CPNE8: variants seen among roughly 807,000 people sequenced by gnomAD.
CPNE8 encodes the protein copine 8.
A neutral mutation model predicts 81.5 loss-of-function variants in CPNE8; 45 were observed. That is an observed-to-expected ratio of 0.55 (90% CI 0.44 to 0.71). The LOEUF is 0.71. CPNE8 is among the 30% of genes least tolerant of loss of function. The probability of loss-of-function intolerance (pLI) is 0.00; values close to 1 mark genes in which losing one functional copy is unlikely to be tolerated. For missense variants in CPNE8, 594 were observed against 672.1 expected (o/e 0.88, Z 1.28); for synonymous variants, 252 against 226.3 (o/e 1.11, Z -1.02).
intron 6 of CPNE8, among the ~76,000 whole-genome samples, chr12:38,824,203 G>T (rs1355005963): frequency 6.6e-6 from 1 of 151,954 alleles, no homozygotes; most frequent in African/African-American, 2.4e-5. Flanking sequence ...ATTAAAAATA[G>T]AAATGCTTTT....
At chr12:38,693,397 G>T (rs992672326) in intron 15 of CPNE8, among the ~76,000 whole-genome samples, 1 of 152,042 alleles carries the variant, frequency 6.6e-6, no homozygotes, top group Non-Finnish European at 1.5e-5. Context: ...TTTTAGGAAG[G>T]TTTGTTAGCA....
upstream of CPNE8, chr12:38,906,271 C>T: frequency 1.0e-6 from 1 of 985,408 alleles, no homozygotes; most frequent in Non-Finnish European, 1.2e-6. Flanking sequence ...GGCATTGTGA[C>T]GCTCTCCAAC....
At position 38,652,719 on chromosome 12, in the gene CPNE8, C is replaced by A. The variant is rs1370218638; in HGVS notation, c.*1163G>T. 1 of 152,610 alleles carries A rather than the reference C, an allele frequency of 6.6e-6. No homozygotes were observed. Among genetic ancestry groups the A allele is most frequent in the African/African-American group, 2.4e-5 (1 of 41,448 alleles). The allele number at this position is 152,610 out of a possible 1,614,324, so 9.5% of individuals were successfully genotyped here. A position where few individuals can be genotyped will look rare whatever the true frequency, so the allele number is the denominator to read the frequency against. On this transcript the variant is annotated 3_prime_UTR_variant, in exon 20 of 20. Transcript: ENST00000331366. ...CTAAAGAAATGCTTTAATTTAGACA[C>A]AACTTCACAAAACTGTAATTCTTGT...
chr12:38,831,699 G>C (rs368317322), intron 5 of CPNE8, among the ~76,000 whole-genome samples: 1 of 152,114 alleles, frequency 6.6e-6, no homozygotes, highest in Non-Finnish European at 1.5e-5. Flanking sequence ...TATCAAAACA[G>C]ATTTTACAAA....
At position 38,740,219 on chromosome 12, in the gene CPNE8, G is replaced by A. The variant is rs560312694; in HGVS notation, c.723-9861C>T. Among the ~76,000 whole-genome samples the A allele has an allele frequency of 5.9e-5, 9 of 152,276 alleles. 1 individual carries two copies. The South Asian group carries it at 1.9e-3, about 32-fold the overall frequency. ...CTGTTTGTCTGTTATTGGTGTATAA[G>A]AATGCTTGTGATTTTTGCACATTGA... On this transcript the variant is annotated intron_variant, in intron 10 of 19. Transcript: ENST00000331366.
chr12:38,813,553 C>T (rs183006031), intron 6 of CPNE8, among the ~76,000 whole-genome samples: 1 of 152,152 alleles, frequency 6.6e-6, no homozygotes. Context: ...GTTCAGTGGG[C>T]AGTTGTGCCA....
At chr12:38,806,156 C>G (rs1342070714) in intron 6 of CPNE8, among the ~76,000 whole-genome samples, 3 of 150,068 alleles carry the variant, frequency 2.0e-5, no homozygotes, top group African/African-American at 4.8e-5. Flanking sequence ...GGATTCACAG[C>G]TGAATTCTAC....
chr12:38,684,190 T>A (rs771384198), intron 16 of CPNE8, among the ~76,000 whole-genome samples: 1 of 152,166 alleles, frequency 6.6e-6, no homozygotes, highest in Non-Finnish European at 1.5e-5. Context: ...CAATATATAG[T>A]ATATATGACA....
chr12:38,811,150 A>G (rs2136986857), intron 6 of CPNE8, among the ~76,000 whole-genome samples: 1 of 152,056 alleles, frequency 6.6e-6, no homozygotes, highest in Admixed American at 6.6e-5. Context: ...CCCTGCACAT[A>G]CCCGTAATCT....
intron 6 of CPNE8, among the ~76,000 whole-genome samples, chr12:38,828,438 C>T (rs1233581133): frequency 6.6e-6 from 1 of 152,080 alleles, no homozygotes; most frequent in Non-Finnish European, 1.5e-5. Flanking sequence ...ATTTCAAAAA[C>T]TTAGAATTTA....
intron 1 of CPNE8, among the ~76,000 whole-genome samples, chr12:38,888,175 T>C (rs1275693075): frequency 1.3e-5 from 2 of 152,232 alleles, no homozygotes; most frequent in Non-Finnish European, 2.9e-5. Context: ...ATATTGATCA[T>C]ATGACTGGAT....
intron 10 of CPNE8, among the ~76,000 whole-genome samples, chr12:38,757,527 G>A (rs1472798504): frequency 1.3e-5 from 2 of 151,784 alleles, no homozygotes; most frequent in Admixed American, 1.3e-4. Flanking sequence ...GGAGACTAAT[G>A]CGCCTTTCAA....
At chr12:38,906,137 C>G, upstream of CPNE8, 2 of 985,894 alleles carry the variant, frequency 2.0e-6, no homozygotes, top group Non-Finnish European at 2.4e-6. Flanking sequence ...ACAATTGGTT[C>G]TCACCTCGCC....
chr12:38,902,409 AAGAAAGAAAAAG>A (rs1944502098), intron 1 of CPNE8, among the ~76,000 whole-genome samples: 1 of 141,378 alleles, frequency 7.1e-6, no homozygotes, highest in African/African-American at 3.1e-5. Flanking sequence ...GAAAGAAAGA[AAGAAAGAAAAAG>A]AAAGAAAGAA....
At chr12:38,766,213 C>T (rs529257755) in intron 8 of CPNE8, among the ~76,000 whole-genome samples, 1 of 152,146 alleles carries the variant, frequency 6.6e-6, no homozygotes, top group African/African-American at 2.4e-5. Context: ...TCACCAGGAG[C>T]ATTAGATGTG....
At chr12:38,904,946 C>A (rs1357120576) in intron 1 of CPNE8, among the ~76,000 whole-genome samples, 2 of 152,148 alleles carry the variant, frequency 1.3e-5, no homozygotes, top group Non-Finnish European at 2.9e-5. Context: ...GAGAAGCAAG[C>A]TGGAAGGCTC....
At chr12:38,718,582 C>A (rs1225903888) in intron 13 of CPNE8, among the ~76,000 whole-genome samples, 1 of 152,118 alleles carries the variant, frequency 6.6e-6, no homozygotes, top group Non-Finnish European at 1.5e-5. Context: ...AAACATCCTG[C>A]ACAGATTTGG....
At chr12:38,702,407 T>C (rs1237140849) in intron 14 of CPNE8, among the ~76,000 whole-genome samples, 1 of 152,122 alleles carries the variant, frequency 6.6e-6, no homozygotes, top group Non-Finnish European at 1.5e-5. Context: ...TAAAAATTAA[T>C]AATTGAGTAA....
rs554556572 is a variant in CPNE8, at chr12:38,654,198, A to G, written c.1507-128T>C. ...GAATCTGAGAGTAATGGAGAGATGGATAACAATTATTATACATTTTTAAAA... is the reference window on the plus strand; with the variant it reads ...GAATCTGAGAGTAATGGAGAGATGGGTAACAATTATTATACATTTTTAAAA... On this transcript the variant is annotated intron_variant, in intron 19 of 19. Transcript: ENST00000331366. 5.3e-4 allele frequency: 642 copies of G among 1,217,266 alleles called. 5 individuals carry two copies. Among genetic ancestry groups the G allele is most frequent in the Non-Finnish European group, 7.5e-5 (69 of 921,646 alleles). The allele number at this position is 1,217,266 out of a possible 1,614,324, so 75.4% of individuals were successfully genotyped here.
Sources: allele counts gnomAD v4.1 joint callset (sites outside exome capture counted in the v4.1 genomes callset), GRCh38; gene constraint gnomAD v4.1.1; transcripts MANE v1.5; gene names NCBI Gene and HGNC (gene_info 2026-07-23, HGNC 2026-07-21).